Variants in UBAC1 observed in about 807,000 individuals in gnomAD.
The protein encoded by UBAC1 is ubiquitin-associated domain-containing protein 1.
In UBAC1, 27 loss-of-function variants were observed where a neutral mutation model predicts 45.9. That is an observed-to-expected ratio of 0.59 (90% CI 0.43 to 0.81). The LOEUF (loss-of-function observed/expected upper bound fraction) is 0.81, where lower values mean the gene tolerates loss of function less well. Ranked by LOEUF, UBAC1 falls within the 30% of genes least tolerant of loss-of-function variation. The probability of loss-of-function intolerance (pLI) is 0.00; values close to 1 mark genes in which losing one functional copy is unlikely to be tolerated. For synonymous variants in UBAC1, 227 were observed against 215.5 expected, an observed-to-expected ratio of 1.05 and a Z score of -0.47; for missense variants, 529 against 539.2, an observed-to-expected ratio of 0.98 and a Z score of 0.19.
At position 135,933,388 on chromosome 9, in the gene UBAC1, G is replaced by A. The variant is rs1444803244; in HGVS notation, c.*12C>T. On this transcript the variant is annotated 3_prime_UTR_variant, in exon 10 of 10. Transcript: ENST00000371756. ...GCTGCTGTGGCCTGATAGCCGAGTG[G>A]AACAACGCCACCTACGTGCGATTTA... 1.6e-5 allele frequency: 25 copies of A among 1,611,778 alleles called. No individual in the cohort carries two copies. The highest frequency in any genetic ancestry group is 4.5e-5 in the East Asian group (2 of 44,864).
chr9:135,957,775 T>C (rs1241049088), intron 1 of UBAC1, among the ~76,000 whole-genome samples: 1 of 145,514 alleles, frequency 6.9e-6, no homozygotes. Context: ...ACTCCTTCTT[T>C]TTTTTTTTTT....
intron 1 of UBAC1, among the ~76,000 whole-genome samples, chr9:135,957,462 C>T (rs190680833): frequency 8.5e-5 from 13 of 152,246 alleles, no homozygotes; most frequent in African/African-American, 2.4e-4. Flanking sequence ...CCACAGTCCA[C>T]GTGTCACCAG....
At chr9:135,937,347 A>G (rs1195375682) in intron 9 of UBAC1, among the ~76,000 whole-genome samples, 1 of 150,714 alleles carries the variant, frequency 6.6e-6, no homozygotes, top group Non-Finnish European at 1.5e-5. Context: ...AGGCTGAGGC[A>G]GGAGAATTGC....
At position 135,933,124 on chromosome 9, in the gene UBAC1, G is replaced by A. The variant is rs992832891; in HGVS notation, c.*276C>T. 92 of 402,640 alleles carry A rather than the reference G, an allele frequency of 2.3e-4. No homozygotes were observed. The highest frequency in any genetic ancestry group is 5.4e-4 in the Admixed American group (13 of 24,082). 24.9% of individuals were successfully genotyped at this position (402,640 alleles called of 1,614,324 possible). ...CGGCAATTCAAGCAGCAACTCAAGA[G>A]CCCAGAGGAGCACTGGAGACGAGGC... is the stretch of plus-strand genomic sequence containing the variant. On this transcript the variant is annotated 3_prime_UTR_variant, in exon 10 of 10. Coordinates refer to ENST00000371756, the MANE Select transcript of UBAC1 (RefSeq NM_016172.3).
chr9:135,960,718 G>A (rs1023687988), intron 1 of UBAC1, among the ~76,000 whole-genome samples: 3 of 152,252 alleles, frequency 2.0e-5, no homozygotes, highest in Non-Finnish European at 4.4e-5. Flanking sequence ...CGTGGCTGCA[G>A]AGTTAACTGA....
chr9:135,956,621 G>A (rs141125062), intron 1 of UBAC1, among the ~76,000 whole-genome samples: 27 of 152,102 alleles, frequency 1.8e-4, no homozygotes, highest in African/African-American at 6.0e-4. Context: ...GCACAGCACC[G>A]CACACCACAC....
intron 2 of UBAC1, 151 bp downstream of exon 2, chr9:135,955,144 G>T (rs1433926500): frequency 1.2e-4 from 103 of 826,680 alleles, no homozygotes; most frequent in Non-Finnish European, 1.0e-4. Flanking sequence ...TTTAATAAAG[G>T]AAAAACAGAA....
intron 9 of UBAC1, among the ~76,000 whole-genome samples, chr9:135,937,819 C>A (rs1258566325): frequency 1.3e-5 from 2 of 152,184 alleles, no homozygotes; most frequent in East Asian, 1.9e-4. Flanking sequence ...TTTGTATGTA[C>A]GTATCTCACA....
chr9:135,961,344 C>CGCCGCCGCAGCA lies in UBAC1; in HGVS notation c.-194_-183dup, dbSNP rs1839535693. On this transcript the variant is annotated 5_prime_UTR_variant, in exon 1 of 10. Coordinates refer to ENST00000371756, the MANE Select transcript of UBAC1 (RefSeq NM_016172.3). Reference sequence around the variant, plus strand: ...GCGGCCTCAGCGGTCGCCTCGCTCCCGCCGCCGCAGCAGCCGCCGGGGGCG... The same window carrying CGCCGCCGCAGCA: ...GCGGCCTCAGCGGTCGCCTCGCTCCCGCCGCCGCAGCAGCCGCCGCAGCAGCCGCCGGGGGCG... 1 of 284,596 alleles carries CGCCGCCGCAGCA rather than the reference C, an allele frequency of 3.5e-6. No individual in the cohort carries two copies. Among genetic ancestry groups the CGCCGCCGCAGCA allele is most frequent in the African/African-American group, 2.3e-5 (1 of 43,690 alleles). The allele number at this position is 284,596 out of a possible 1,614,324, so 17.6% of individuals were successfully genotyped here.
Position 135,941,275 on chromosome 9 carries a change from G to A in UBAC1, c.877-1516C>T, listed in dbSNP as rs570317832. On this transcript the variant is annotated intron_variant, in intron 7 of 9. Coordinates refer to ENST00000371756, the MANE Select transcript of UBAC1 (RefSeq NM_016172.3). ...ACAAAAAGTAGCTGGGCGTGGTGGCGGGCACCTGTAATCCCAGCTACTCGG... is the reference window on the plus strand; with the variant it reads ...ACAAAAAGTAGCTGGGCGTGGTGGCAGGCACCTGTAATCCCAGCTACTCGG... Among the ~76,000 whole-genome samples, 8 of 152,088 alleles carry A rather than the reference G, an allele frequency of 5.3e-5. No homozygotes were observed. The South Asian group carries it at 1.2e-3, about 24-fold the overall frequency.
chr9:135,961,018 G>C lies in UBAC1; in HGVS notation c.138+7C>G, dbSNP rs1839529815. 14 of 1,550,956 alleles carry C rather than the reference G, an allele frequency of 9.0e-6. No individual in the cohort carries two copies. Among genetic ancestry groups the C allele is most frequent in the African/African-American group, 1.4e-5 (1 of 71,164 alleles). On this transcript the variant is annotated splice_region_variant and intron_variant, in intron 1 of 9. Coordinates refer to ENST00000371756, the MANE Select transcript of UBAC1 (RefSeq NM_016172.3). Reference sequence around the variant, plus strand: ...TGTTGGGGGCAGGGGAGGGGGCCCGGCCTTACGTGCTTGAGGCAGCGCTCC... The same window carrying C: ...TGTTGGGGGCAGGGGAGGGGGCCCGCCCTTACGTGCTTGAGGCAGCGCTCC...
chr9:135,938,102 C>T, intron 9 of UBAC1, 120 bp downstream of exon 9: 1 of 1,447,008 alleles, frequency 6.9e-7, no homozygotes, highest in Non-Finnish European at 9.3e-7. Flanking sequence ...GACGTGCTGC[C>T]AGCGCACGGC....
chr9:135,945,697 A>G, intron 6 of UBAC1, 192 bp downstream of exon 6: 1 of 593,884 alleles, frequency 1.7e-6, no homozygotes, highest in South Asian at 2.1e-5. Context: ...GAGAATTTAC[A>G]CAACGACTGT....
rs547138493 is a variant in UBAC1, at chr9:135,945,963, G to C, written c.579C>G (p.Asp193Glu). Residue 193 changes from aspartate to glutamate, a missense_variant, in exon 6 of 10, where the codon GAC (aspartate) becomes GAG (glutamate). Physicochemically the swap from Asp to Glu is conservative, Grantham distance 45. Transcript: ENST00000371756. ...MLDEDEDERV[D>E]EAALRQLTEM... is the part of the protein sequence containing the mutation. ...CCGTGAGCTGCCGCAGGGCAGCCTC[G>C]TCCACACGCTCATCCTCGTCCTCGT... 19 of 1,613,862 alleles carry C rather than the reference G, an allele frequency of 1.2e-5. No individual in the cohort carries two copies. The highest frequency in any genetic ancestry group is 1.5e-5 in the Non-Finnish European group (18 of 1,180,044).
At chr9:135,942,154 C>A (rs1038681288) in intron 7 of UBAC1, 3 of 152,160 alleles carry the variant, frequency 2.0e-5, no homozygotes, top group Non-Finnish European at 4.4e-5. Context: ...AAGTATATGA[C>A]TAACAACCTC....
intron 8 of UBAC1, among the ~76,000 whole-genome samples, chr9:135,938,813 T>G (rs1338739548): frequency 3.1e-3 from 370 of 119,888 alleles, no homozygotes; most frequent in Non-Finnish European, 3.8e-3. Flanking sequence ...CGGGGGATGG[T>G]GGGGGGGGGA....
At chr9:135,948,576 C>T (rs1839367599) in intron 3 of UBAC1, among the ~76,000 whole-genome samples, 1 of 152,256 alleles carries the variant, frequency 6.6e-6, no homozygotes, top group Non-Finnish European at 1.5e-5. Context: ...CCGGCAACTC[C>T]CAGAGAGCTG....
intron 9 of UBAC1, among the ~76,000 whole-genome samples, chr9:135,936,687 G>T (rs544580166): frequency 6.6e-6 from 1 of 152,058 alleles, no homozygotes; most frequent in African/African-American, 2.4e-5. Context: ...TAAAGACAGC[G>T]TTTCACCATC....
intron 4 of UBAC1, chr9:135,947,515 T>C (rs1279864521): frequency 2.8e-6 from 1 of 351,850 alleles, no homozygotes; most frequent in Non-Finnish European, 5.1e-6. Context: ...GGGTTCAGAA[T>C]TCTATCTAAA....
Sources: allele counts gnomAD v4.1 joint callset (sites outside exome capture counted in the v4.1 genomes callset), GRCh38; gene constraint gnomAD v4.1.1; transcripts MANE v1.5; gene names NCBI Gene and HGNC (gene_info 2026-07-23, HGNC 2026-07-21).